Variants in SEPTIN9 observed in about 807,000 individuals in gnomAD.
SEPTIN9 encodes the protein septin-9.
Under a neutral mutation model 56.6 loss-of-function variants are expected in SEPTIN9, and 13 were observed. The ratio of observed to expected loss-of-function variants is 0.23; its 90% confidence interval spans 0.15 to 0.37. The LOEUF (loss-of-function observed/expected upper bound fraction) is 0.37. Ranked by LOEUF, SEPTIN9 falls within the 10% of genes least tolerant of loss-of-function variation. SEPTIN9 has a pLI of 1.00. For missense variants in SEPTIN9, 650 were observed against 823.1 expected (o/e 0.79, Z 2.57); for synonymous variants, 332 against 334.1 (o/e 0.99, Z 0.07).
chr17:77,293,530 A>G (rs1414629711), intron 1 of SEPTIN9, among the ~76,000 whole-genome samples: 1 of 152,226 alleles, frequency 6.6e-6, no homozygotes, highest in Non-Finnish European at 1.5e-5. Flanking sequence ...GGAGAGGTGA[A>G]GGCCAGACAG....
intron 3 of SEPTIN9, chr17:77,481,842 A>C (rs756311852): frequency 2.5e-5 from 11 of 443,630 alleles, no homozygotes; most frequent in Non-Finnish European, 4.5e-5. Flanking sequence ...CTTGGAGCGC[A>C]GGGGGCCCCC....
At chr17:77,312,715 G>C (rs961585409) in intron 2 of SEPTIN9, among the ~76,000 whole-genome samples, 3 of 152,120 alleles carry the variant, frequency 2.0e-5, no homozygotes, top group Non-Finnish European at 4.4e-5. Flanking sequence ...CTTCTTTTGC[G>C]TTGGCTAAAG....
In SEPTIN9 at chr17:77,355,839, G is replaced by A. The variant is rs370879430; in HGVS notation, c.77-46220G>A. On this transcript the variant is annotated intron_variant, in intron 2 of 11. Coordinates refer to ENST00000427177, the MANE Select transcript of SEPTIN9 (RefSeq NM_001113491.2). ...CTACTAAAAATACAAAAAATTAGCC[G>A]GGCGTGGTGGCGGGTGCCTGTAGTC... Among the ~76,000 whole-genome samples, 139 of 151,484 alleles carry A rather than the reference G, an allele frequency of 9.2e-4. 1 individual carries two copies. Among genetic ancestry groups the A allele is most frequent in the Admixed American group, 3.2e-3 (48 of 15,218 alleles).
rs112473160 is a variant in SEPTIN9 at position 77,480,061 on chromosome 17, C to T, written c.722-2083C>T. ...CAAAGCCCTGAAGGCTTCCAGGCTGCGTGGCCTGGGTGGGGGCCACGTGGG... is the reference window on the plus strand; with the variant it reads ...CAAAGCCCTGAAGGCTTCCAGGCTGTGTGGCCTGGGTGGGGGCCACGTGGG... On this transcript the variant is annotated intron_variant, in intron 3 of 11. Coordinates refer to ENST00000427177, the MANE Select transcript of SEPTIN9 (RefSeq NM_001113491.2). Among the ~76,000 whole-genome samples, 773 of 152,266 alleles carry T rather than the reference C, an allele frequency of 5.1e-3. 3 individuals carry two copies. The highest frequency in any genetic ancestry group is 0.018 in the African/African-American group (732 of 41,548).
At chr17:77,345,584 G>A (rs1171019265) in intron 2 of SEPTIN9, among the ~76,000 whole-genome samples, 1 of 152,224 alleles carries the variant, frequency 6.6e-6, no homozygotes, top group African/African-American at 2.4e-5. Context: ...GTGGGCAGGA[G>A]CTGGGTGTCT....
intron 2 of SEPTIN9, among the ~76,000 whole-genome samples, chr17:77,344,648 T>C (rs1198094844): frequency 6.6e-6 from 1 of 152,052 alleles, no homozygotes; most frequent in African/African-American, 2.4e-5. Context: ...ATGTGGTCCA[T>C]CTGTACAGTG....
At chr17:77,361,883 C>T (rs1158408678) in intron 2 of SEPTIN9, among the ~76,000 whole-genome samples, 1 of 152,078 alleles carries the variant, frequency 6.6e-6, no homozygotes, top group Non-Finnish European at 1.5e-5. Context: ...CCGCCCGCCT[C>T]GGCCTCCCAA....
chr17:77,473,320 G>C (rs186381244), intron 3 of SEPTIN9, among the ~76,000 whole-genome samples: 325 of 152,320 alleles, frequency 2.1e-3, no homozygotes, highest in Non-Finnish European at 3.6e-3. Context: ...GAGTGCTGCA[G>C]GTAATGCTGA....
At chr17:77,412,180 T>C (rs533289968) in intron 3 of SEPTIN9, among the ~76,000 whole-genome samples, 10 of 150,164 alleles carry the variant, frequency 6.7e-5, no homozygotes, top group Middle Eastern at 3.4e-3. Flanking sequence ...AATTGGCCTC[T>C]AAAGTGGTTA....
chr17:77,488,587 T>G (rs2039894183), intron 6 of SEPTIN9, 140 bp from the exon 7 acceptor site: 1 of 1,231,808 alleles, frequency 8.1e-7, no homozygotes, highest in Admixed American at 1.9e-5. Context: ...GGCTGTGGCA[T>G]CTCCGCTCAG....
In SEPTIN9 at chr17:77,326,913, A is replaced by T. The variant is rs4789445; in HGVS notation, c.76+19716A>T. 0.47 allele frequency among the ~76,000 whole-genome samples: 71,803 copies of T among 151,708 alleles called. 18,607 individuals carry two copies. Among genetic ancestry groups the T allele is most frequent in the African/African-American group, 0.69 (28,352 of 41,352 alleles). On this transcript the variant is annotated intron_variant, in intron 2 of 11. Coordinates refer to ENST00000427177, the MANE Select transcript of SEPTIN9 (RefSeq NM_001113491.2). The surrounding 1 kb of genome is among the most constrained non-coding windows in gnomAD (Gnocchi z 5.1). ...TGGGGTTCCGGGAGCTTCTGGATGG[A>T]TGAGCATGTGGAGGCTCCTGGAGGG...
intron 2 of SEPTIN9, among the ~76,000 whole-genome samples, chr17:77,351,530 C>A (rs12450104): frequency 6.6e-6 from 1 of 152,066 alleles, no homozygotes; most frequent in South Asian, 2.1e-4. Context: ...CTCAAGGTCA[C>A]GGGCGGCCAC....
chr17:77,489,766 C>T (rs980576055), intron 7 of SEPTIN9, among the ~76,000 whole-genome samples: 13 of 152,222 alleles, frequency 8.5e-5, no homozygotes, highest in Admixed American at 5.2e-4. Context: ...TTCGAGCCCA[C>T]CCTCTGGCAT....
chr17:77,435,003 ATGATGGTAACAAGGGCTTCCTG>A lies in SEPTIN9; in HGVS notation c.721+32301_721+32322del. ...ACCGTGGCAGGAGTGGTGATGTCCG[ATGATGGTAACAAGGGCTTCCTG>A]AGGACCCCGAGCTGTCTTAAGGGCT... On this transcript the variant is annotated intron_variant, in intron 3 of 11. Coordinates refer to ENST00000427177, the MANE Select transcript of SEPTIN9 (RefSeq NM_001113491.2). The surrounding 1 kb of genome is among the most constrained non-coding windows in gnomAD (Gnocchi z 4.5). Among the ~76,000 whole-genome samples the A allele has an allele frequency of 6.6e-6, 1 of 152,172 alleles. No individual in the cohort carries two copies. The highest frequency in any genetic ancestry group is 2.4e-5 in the African/African-American group (1 of 41,432).
At chr17:77,474,899 G>A (rs2039145835) in intron 3 of SEPTIN9, among the ~76,000 whole-genome samples, 1 of 152,046 alleles carries the variant, frequency 6.6e-6, no homozygotes, top group African/African-American at 2.4e-5. Flanking sequence ...CGGTGCAGTG[G>A]CTTATGTCTA....
rs1254578789 is a variant in SEPTIN9, at chr17:77,389,523, A to C, written c.77-12536A>C. 2.6e-5 allele frequency among the ~76,000 whole-genome samples: 4 copies of C among 152,234 alleles called. No homozygotes were observed. Among genetic ancestry groups the C allele is most frequent in the Admixed American group, 2.6e-4 (4 of 15,310 alleles). ...CTGCAGCCTGTGGTTTTTCGAAGTC[A>C]ATCACCTCCCAGGGCCTCGCTCCTG... On this transcript the variant is annotated intron_variant, in intron 2 of 11. Coordinates refer to ENST00000427177, the MANE Select transcript of SEPTIN9 (RefSeq NM_001113491.2). This position sits in a 1 kb window ranked among gnomAD's most constrained non-coding sequence, Gnocchi z 4.3.
At chr17:77,384,119 G>A (rs1352310788) in intron 2 of SEPTIN9, among the ~76,000 whole-genome samples, 2 of 152,190 alleles carry the variant, frequency 1.3e-5, no homozygotes, top group African/African-American at 2.4e-5. Context: ...GACCCGGAGT[G>A]GGGTGATTCG....
intron 3 of SEPTIN9, among the ~76,000 whole-genome samples, chr17:77,473,341 T>C (rs1329084710): frequency 3.9e-5 from 6 of 152,258 alleles, no homozygotes; most frequent in African/African-American, 1.2e-4. Flanking sequence ...GATAACCCTA[T>C]TAAATTCTGT....
intron 2 of SEPTIN9, among the ~76,000 whole-genome samples, chr17:77,354,668 C>G (rs939643785): frequency 6.6e-6 from 1 of 152,120 alleles, no homozygotes; most frequent in African/African-American, 2.4e-5. Context: ...TCCCAAGAAG[C>G]TTTGGGAGAA....
Sources: allele counts gnomAD v4.1 joint callset (sites outside exome capture counted in the v4.1 genomes callset), GRCh38; gene constraint gnomAD v4.1.1; non-coding constraint Gnocchi (gnomAD v3.1); transcripts MANE v1.5; gene names NCBI Gene and HGNC (gene_info 2026-07-23, HGNC 2026-07-21).